Variants in HORMAD2 observed in about 807,000 individuals in gnomAD.
HORMAD2 encodes the protein HORMA domain-containing protein 2.
A neutral mutation model predicts 38.8 loss-of-function variants in HORMAD2; 45 were observed. The observed-to-expected ratio is 1.16, with a 90% CI of 0.91 to 1.49. The LOEUF is 1.49. Ranked by LOEUF, HORMAD2 falls within the 40% of genes most tolerant of loss-of-function variation. HORMAD2 has a pLI of 0.00. For synonymous variants in HORMAD2, 126 were observed against 122.8 expected (o/e 1.03, Z -0.17); for missense variants, 338 against 367.0 (o/e 0.92, Z 0.65).
chr22:30,182,255 G>A, the HORMAD2 span, among the ~76,000 whole-genome samples: 1 of 152,186 alleles, frequency 6.6e-6, no homozygotes, highest in East Asian at 1.9e-4. Flanking sequence ...TATTGTGAGA[G>A]CTCAATGAGT....
In HORMAD2 at chr22:30,176,223, G is replaced by A. The variant is rs182159114; in HGVS notation, c.*56G>A. 39 of 1,171,992 alleles carry A rather than the reference G, an allele frequency of 3.3e-5. No individual in the cohort carries two copies. The African/African-American group carries it at 4.6e-4, about 14-fold the overall frequency. The allele number at this position is 1,171,992 out of a possible 1,614,324, so 72.6% of individuals were successfully genotyped here. ...AAATAAGTTTATTTTGTAAAAACAT[G>A]CATAAACTGTCTTAGCAGGAAAGTA... On this transcript the variant is annotated 3_prime_UTR_variant, in exon 11 of 11. Transcript: ENST00000336726.
downstream of HORMAD2, among the ~76,000 whole-genome samples, chr22:30,180,274 G>A (rs182445754): frequency 2.6e-5 from 4 of 152,150 alleles, no homozygotes; most frequent in Non-Finnish European, 4.4e-5. Context: ...GGAGAGGCAG[G>A]CTGCTTGAGA....
downstream of HORMAD2, among the ~76,000 whole-genome samples, chr22:30,181,193 T>A (rs949238860): frequency 6.6e-6 from 1 of 151,956 alleles, no homozygotes; most frequent in Non-Finnish European, 1.5e-5. Flanking sequence ...TTTGTGTTTT[T>A]TGTAGAGACG....
At chr22:30,119,607 A>T (rs2146125043) in intron 8 of HORMAD2, among the ~76,000 whole-genome samples, 1 of 152,328 alleles carries the variant, frequency 6.6e-6, no homozygotes, top group Non-Finnish European at 1.5e-5. Flanking sequence ...TTGAAGAGCA[A>T]CGTTTATTTT....
chr22:30,180,934 CTCCTCTCCTCTCCTCTCCTCT>C (rs1926682122), downstream of HORMAD2, among the ~76,000 whole-genome samples: 3 of 60,092 alleles, frequency 5.0e-5, no homozygotes, highest in African/African-American at 1.9e-4. Flanking sequence ...CTCCTCTCCT[CTCCTCTCCTCTCCTCTCCTCT>C]CCTCTCCTCT....
At chr22:30,115,020 A>G (rs1056432432) in intron 7 of HORMAD2, among the ~76,000 whole-genome samples, 1 of 152,232 alleles carries the variant, frequency 6.6e-6, no homozygotes, top group Non-Finnish European at 1.5e-5. Flanking sequence ...TAATGCATAT[A>G]AGACCATATA....
At chr22:30,123,628 C>G (rs1222849820) in intron 10 of HORMAD2, among the ~76,000 whole-genome samples, 4 of 150,732 alleles carry the variant, frequency 2.7e-5, no homozygotes, top group African/African-American at 9.8e-5. Context: ...AGACACCACA[C>G]TGGGCCTCAG....
intron 10 of HORMAD2, among the ~76,000 whole-genome samples, chr22:30,160,188 C>T (rs1005211621): frequency 3.3e-5 from 5 of 151,842 alleles, no homozygotes; most frequent in African/African-American, 1.2e-4. Flanking sequence ...GTGCCCTGCC[C>T]TTATCACCAC....
Position 30,092,308 on chromosome 22 carries a change from A to G in HORMAD2, c.-37-1608A>G, listed in dbSNP as rs141700724. On this transcript the variant is annotated intron_variant, in intron 1 of 10. Transcript: ENST00000336726. ...TTTCATATACTTATTAGCCATTTGT[A>G]TGCCTTCTTTTGAGAAATGTCTATT... Among the ~76,000 whole-genome samples the G allele has an allele frequency of 3.4e-3, 447 of 132,106 alleles. 9 individuals are homozygous for G. The highest frequency in any genetic ancestry group is 0.012 in the African/African-American group (431 of 35,104). The allele number at this position is 132,106 out of a possible 152,430, so 86.7% of individuals were successfully genotyped here. A position where few individuals can be genotyped will look rare whatever the true frequency, so the allele number is the denominator to read the frequency against.
chr22:30,118,230 G>T (rs915990998), intron 7 of HORMAD2, among the ~76,000 whole-genome samples: 2 of 152,112 alleles, frequency 1.3e-5, no homozygotes, highest in South Asian at 4.2e-4. Flanking sequence ...CATTTCCTGG[G>T]TTCTCCCCCT....
the HORMAD2 span, among the ~76,000 whole-genome samples, chr22:30,200,731 GTATTATTAT>G: frequency 0.012 from 1,641 of 141,534 alleles, 36 homozygotes; most frequent in African/African-American, 0.039. Flanking sequence ...CAACAGAAAT[GTATTATTAT>G]TATTATTATT....
chr22:30,096,868 C>A (rs930067628), intron 2 of HORMAD2, among the ~76,000 whole-genome samples: 1 of 152,092 alleles, frequency 6.6e-6, no homozygotes, highest in Admixed American at 6.6e-5. Flanking sequence ...TATTTTCACA[C>A]AAGTAGACAC....
intron 10 of HORMAD2, among the ~76,000 whole-genome samples, chr22:30,170,562 G>C (rs990303424): frequency 1.3e-5 from 2 of 152,040 alleles, no homozygotes; most frequent in African/African-American, 4.8e-5. Context: ...AACCATAAGA[G>C]CTAATCTAAT....
In HORMAD2 at chr22:30,103,334, T is replaced by C. The variant is rs74318425; in HGVS notation, c.194-103T>C. Reference sequence around the variant, plus strand: ...TTATAAGCTATAAAACTAAATAAATTACATAAATAAAATAGTTAAAGGAAA... The same window carrying C: ...TTATAAGCTATAAAACTAAATAAATCACATAAATAAAATAGTTAAAGGAAA... On this transcript the variant is annotated intron_variant, in intron 3 of 10. Coordinates refer to ENST00000336726, the MANE Select transcript of HORMAD2 (RefSeq NM_152510.4). 1,014 of 685,670 alleles carry C rather than the reference T, an allele frequency of 1.5e-3. 9 individuals carry two copies. In the African/African-American group the frequency reaches 0.016, roughly 11 times the overall value. 42.5% of individuals were successfully genotyped at this position (685,670 alleles called of 1,614,324 possible).
the HORMAD2 span, among the ~76,000 whole-genome samples, chr22:30,185,680 C>T: frequency 6.6e-6 from 1 of 152,082 alleles, no homozygotes; most frequent in Admixed American, 6.6e-5. Context: ...AAAAGATAAA[C>T]AGCTAAAAAC....
chr22:30,188,107 T>G, the HORMAD2 span, among the ~76,000 whole-genome samples: 1 of 152,160 alleles, frequency 6.6e-6, no homozygotes, highest in Non-Finnish European at 1.5e-5. Context: ...ACAAAACTGT[T>G]GTTATATGCC....
intron 10 of HORMAD2, among the ~76,000 whole-genome samples, chr22:30,155,970 T>G (rs2073096605): frequency 6.6e-6 from 1 of 152,190 alleles, no homozygotes; most frequent in Non-Finnish European, 1.5e-5. Context: ...GCTCAAGCTT[T>G]GACACTCTGC....
chr22:30,191,767 TC>T, the HORMAD2 span, among the ~76,000 whole-genome samples: 1 of 152,228 alleles, frequency 6.6e-6, no homozygotes. Flanking sequence ...AGTAAACACT[TC>T]CAAAAATATT....
intron 10 of HORMAD2, among the ~76,000 whole-genome samples, chr22:30,130,162 T>G (rs1923175252): frequency 6.6e-6 from 1 of 152,222 alleles, no homozygotes; most frequent in South Asian, 2.1e-4. Flanking sequence ...AATCATCTTG[T>G]TGTGAGACCG....
Sources: gnomAD v4.1 joint callset for allele counts (sites outside exome capture counted in the v4.1 genomes callset) on GRCh38, gnomAD v4.1.1 for gene constraint, MANE v1.5 for transcripts, NCBI Gene and HGNC (gene_info 2026-07-23, HGNC 2026-07-21) for gene names.